Variants in SV2C observed in about 807,000 individuals in gnomAD.
SV2C encodes solute carrier family 22 member B3.
SV2C carries 49 observed loss-of-function variants against 79.7 expected under a neutral mutation model. That is an observed-to-expected ratio of 0.61 (90% confidence interval 0.49 to 0.78). SV2C has a LOEUF of 0.78. SV2C is among the 30% of genes least tolerant of loss of function. SV2C has a pLI of 0.00. For synonymous variants in SV2C, 334 were observed against 333.2 expected, an observed-to-expected ratio of 1.00 and a Z score of -0.03; for missense variants, 833 against 912.9, an observed-to-expected ratio of 0.91 and a Z score of 1.13.
the SV2C span, among the ~76,000 whole-genome samples, chr5:75,969,468 G>C: frequency 1.3e-5 from 2 of 152,088 alleles, no homozygotes; most frequent in Non-Finnish European, 2.9e-5. Flanking sequence ...AAAATAAAGG[G>C]ATGGAGGAAG....
chr5:76,065,766 A>G, the SV2C span, among the ~76,000 whole-genome samples: 1 of 152,190 alleles, frequency 6.6e-6, no homozygotes. Flanking sequence ...TCAAACAGGT[A>G]CACCATAATA....
chr5:76,146,514 G>A, intron 2 of SV2C, among the ~76,000 whole-genome samples: 1 of 152,080 alleles, frequency 6.6e-6, no homozygotes, highest in East Asian at 1.9e-4. Flanking sequence ...GATGACCTGA[G>A]GTCACTCTCG....
downstream of SV2C, among the ~76,000 whole-genome samples, chr5:76,338,761 G>T (rs246817): frequency 2.0e-5 from 3 of 150,344 alleles, no homozygotes; most frequent in African/African-American, 4.9e-5. Context: ...GGGTTCAAGC[G>T]ATTCTCCCAC....
chr5:76,077,557 C>G, the SV2C span, among the ~76,000 whole-genome samples: 10 of 152,246 alleles, frequency 6.6e-5, no homozygotes, highest in East Asian at 1.9e-3. Context: ...TGGCAGCACC[C>G]TTCTGGTTCT....
chr5:75,962,062 CTGGA>C, the SV2C span, among the ~76,000 whole-genome samples: 40 of 152,178 alleles, frequency 2.6e-4, no homozygotes, highest in African/African-American at 8.9e-4. Context: ...CTACTTGGCA[CTGGA>C]CACAGTCACC....
chr5:75,866,066 A>AGCCACTTACTTCCCTGGCT, the SV2C span, among the ~76,000 whole-genome samples: 1 of 152,206 alleles, frequency 6.6e-6, no homozygotes, highest in Admixed American at 6.5e-5. Context: ...GGGAGTTCTG[A>AGCCACTTACTTCCCTGGCT]GCCACTTACT....
At chr5:76,122,622 T>C (rs914485308) in intron 1 of SV2C, among the ~76,000 whole-genome samples, 5 of 151,970 alleles carry the variant, frequency 3.3e-5, no homozygotes, top group Admixed American at 2.0e-4. Flanking sequence ...CCTGACTGAC[T>C]ACTGGGTACA....
chr5:76,033,265 G>T, the SV2C span, among the ~76,000 whole-genome samples: 6 of 151,722 alleles, frequency 4.0e-5, no homozygotes, highest in South Asian at 4.2e-4. Context: ...GATCCCATTT[G>T]TCAATTTTGG....
chr5:76,147,026 C>T (rs1208202884), intron 2 of SV2C, among the ~76,000 whole-genome samples: 1 of 151,958 alleles, frequency 6.6e-6, no homozygotes, highest in Non-Finnish European at 1.5e-5. Flanking sequence ...ATGAGGGACT[C>T]TTTTAGAATT....
intron 2 of SV2C, among the ~76,000 whole-genome samples, chr5:76,139,859 T>TCTAAATAA (rs1749196199): frequency 1.2e-5 from 1 of 82,548 alleles, no homozygotes; most frequent in Non-Finnish European, 3.3e-5. Flanking sequence ...TGAAAGTATT[T>TCTAAATAA]TTTTTTTTTT....
At chr5:76,119,694 A>G (rs146816232) in intron 1 of SV2C, among the ~76,000 whole-genome samples, 1 of 152,192 alleles carries the variant, frequency 6.6e-6, no homozygotes, top group East Asian at 1.9e-4. Context: ...GCAAACTCAA[A>G]ACCCTATAGG....
chr5:76,314,615 A>G (rs998887857), intron 12 of SV2C, among the ~76,000 whole-genome samples: 1 of 152,250 alleles, frequency 6.6e-6, no homozygotes, highest in African/African-American at 2.4e-5. Context: ...AATGATCTCA[A>G]CTTATTTAAT....
intron 4 of SV2C, among the ~76,000 whole-genome samples, chr5:76,238,126 A>G (rs762298822): frequency 2.2e-4 from 34 of 151,814 alleles, no homozygotes; most frequent in Admixed American, 1.3e-3. Context: ...ATGTCCGTCT[A>G]ATGGGTGTTG....
chr5:75,903,377 T>TA, the SV2C span, among the ~76,000 whole-genome samples: 35 of 150,908 alleles, frequency 2.3e-4, no homozygotes, highest in Middle Eastern at 6.8e-3. Flanking sequence ...GTTTTTTTTT[T>TA]TAAAAAAAAA....
chr5:76,146,795 TTTAAAAAAAAA>T lies in SV2C; in HGVS notation c.580+14466_580+14476del, dbSNP rs1172168472. 3.9e-5 allele frequency among the ~76,000 whole-genome samples: 3 copies of T among 76,520 alleles called. No individual in the cohort carries two copies. The East Asian group carries it at 1.5e-3, about 39-fold the overall frequency. The allele number at this position is 76,520 out of a possible 152,430, so 50.2% of individuals were successfully genotyped here. ...AAGATGATAAAGGAATGAGTTTTTT[TTTAAAAAAAAA>T]AAAAAAAAAAAAAAGCCAAACAAAA... On this transcript the variant is annotated intron_variant, in intron 2 of 12. Coordinates refer to ENST00000502798, the MANE Select transcript of SV2C (RefSeq NM_014979.4).
intron 3 of SV2C, among the ~76,000 whole-genome samples, chr5:76,203,532 A>G (rs1469107553): frequency 6.6e-6 from 1 of 152,082 alleles, no homozygotes; most frequent in Non-Finnish European, 1.5e-5. Context: ...TCAAGACAGT[A>G]TTAAAGTCTT....
At chr5:75,855,347 A>G in the SV2C span, among the ~76,000 whole-genome samples, 300 of 152,280 alleles carry the variant, frequency 2.0e-3, 1 homozygote, top group African/African-American at 6.8e-3. Context: ...ATTGTTACAC[A>G]GTGACTATTA....
At chr5:75,857,833 G>C in the SV2C span, among the ~76,000 whole-genome samples, 1 of 151,914 alleles carries the variant, frequency 6.6e-6, no homozygotes, top group Admixed American at 6.6e-5. Context: ...ATTTGCCTTA[G>C]TTAATTTCTG....
At chr5:76,246,347 A>T (rs1745947814) in intron 4 of SV2C, among the ~76,000 whole-genome samples, 1 of 152,226 alleles carries the variant, frequency 6.6e-6, no homozygotes, top group Non-Finnish European at 1.5e-5. Context: ...TAGAAAAATA[A>T]GTGATTATCG....
Sources: gnomAD v4.1 joint callset for allele counts (sites outside exome capture counted in the v4.1 genomes callset) on GRCh38, gnomAD v4.1.1 for gene constraint, MANE v1.5 for transcripts, NCBI Gene and HGNC (gene_info 2026-07-23, HGNC 2026-07-21) for gene names.